Variants in TMEM150A observed in about 807,000 individuals in gnomAD.
The protein encoded by TMEM150A is fasting-inducible integral membrane protein TM6P1.
TMEM150A carries 18 observed loss-of-function variants against 29.8 expected under a neutral mutation model. That is an observed-to-expected ratio of 0.60 (90% confidence interval 0.42 to 0.90). The LOEUF (loss-of-function observed/expected upper bound fraction) is 0.90. Ranked by LOEUF, TMEM150A falls within the 40% of genes least tolerant of loss-of-function variation. The pLI is 0.00. For missense variants in TMEM150A, 251 were observed against 349.7 expected, an observed-to-expected ratio of 0.72 and a Z score of 2.25; for synonymous variants, 127 against 143.6, an observed-to-expected ratio of 0.88 and a Z score of 0.83.
Position 85,599,950 on chromosome 2 carries a change from T to A in TMEM150A, c.337A>T (p.Thr113Ser). 1 of 1,612,562 alleles carries A rather than the reference T, an allele frequency of 6.2e-7. No homozygotes were observed. Among genetic ancestry groups the A allele is most frequent in the Non-Finnish European group, 8.5e-7 (1 of 1,179,922 alleles). ...EQSRHSWVNT[T>S]ALITGCTNAA... ...TTGGTGCAGCCTGTGATGAGTGCCG[T>A]GGTGTTAACCCAAGAGTGCCGACTC... Residue 113 changes from threonine (T) to serine (S), a missense_variant, in exon 6 of 8, where the codon ACG (threonine) becomes TCG (serine). Coordinates refer to ENST00000334462, the MANE Select transcript of TMEM150A (RefSeq NM_001031738.3). This position sits in a 1 kb window ranked among gnomAD's most constrained non-coding sequence, Gnocchi z 6.0.
chr2:85,599,792 C>T lies in TMEM150A; in HGVS notation c.397-90G>A. On this transcript the variant is annotated intron_variant, in intron 6 of 7. Transcript: ENST00000334462. This position sits in a 1 kb window ranked among gnomAD's most constrained non-coding sequence, Gnocchi z 6.0. The stretch of plus-strand genomic sequence containing the variant: ...TGAATCTCCTCTCTCCCTCTTCCTT[C>T]CTCTCCCTCTTTCCAGCCCCAACCT... The T allele has an allele frequency of 1.2e-6, 2 of 1,600,768 alleles. No homozygotes were observed. Among genetic ancestry groups the T allele is most frequent in the Non-Finnish European group, 1.7e-6 (2 of 1,172,520 alleles).
rs7421876 is a variant in TMEM150A, at chr2:85,602,523, C to A, written c.-117+84G>T. ...CCCCGGCTGGGGCCGGACCCTGCGG[C>A]CGGCGACCCCCCAGGACCCGGGACG... On this transcript the variant is annotated intron_variant, in intron 1 of 7. Transcript: ENST00000334462. The surrounding 1 kb of genome is among the most constrained non-coding windows in gnomAD (Gnocchi z 5.6). The A allele has an allele frequency of 6.6e-6, 1 of 151,730 alleles. No individual in the cohort carries two copies. Among genetic ancestry groups the A allele is most frequent in the East Asian group, 1.9e-4 (1 of 5,142 alleles). 9.4% of individuals were successfully genotyped at this position (151,730 alleles called of 1,614,324 possible).
rs773453123 is a variant in TMEM150A, at chr2:85,601,064, C to A, written c.157G>T (p.Gly53Cys). 4.3e-6 allele frequency: 7 copies of A among 1,612,544 alleles called. No homozygotes were observed. The highest frequency in any genetic ancestry group is 5.9e-6 in the Non-Finnish European group (7 of 1,179,474). ...SCPPDPAEQG[G>C]PKTCCTLDDV... ...TCCAGGGTGCAGCAGGTCTTGGGACCCCCTTGCTCAGCAGGGTCAGGAGGG... is the reference window on the plus strand; with the variant it reads ...TCCAGGGTGCAGCAGGTCTTGGGACACCCTTGCTCAGCAGGGTCAGGAGGG... The change falls in exon 4 of 8, where the codon GGT (glycine) becomes TGT (cysteine). Residue 53 changes from glycine (G) to cysteine (C), a missense_variant. By Grantham distance (159) the Gly-to-Cys change is radical (BLOSUM62 -3). Transcript: ENST00000334462. The surrounding 1 kb of genome is among the most constrained non-coding windows in gnomAD (Gnocchi z 4.0).
Position 85,599,660 on chromosome 2 carries a change from C to A in TMEM150A, c.439G>T (p.Ala147Ser), listed in dbSNP as rs776023795. Residue 147 changes from alanine to serine, a missense_variant, in exon 7 of 8, where the codon GCC (alanine) becomes TCC (serine). By Grantham distance (99) the Ala-to-Ser change is moderately conservative. Coordinates refer to ENST00000334462, the MANE Select transcript of TMEM150A (RefSeq NM_001031738.3). The surrounding 1 kb of genome is among the most constrained non-coding windows in gnomAD (Gnocchi z 6.0). Reference protein sequence around the residue: ...RSLHYVGAGVAFPAGLLFVCL... With the variant: ...RSLHYVGAGVSFPAGLLFVCL... Reference sequence around the variant, plus strand: ...ACAAAGAGCAGCCCCGCAGGGAAGGCCACGCCAGCTCCAACGTAGTGCAGA... The same window carrying A: ...ACAAAGAGCAGCCCCGCAGGGAAGGACACGCCAGCTCCAACGTAGTGCAGA... The A allele has an allele frequency of 6.1e-5, 98 of 1,613,476 alleles. 1 individual carries two copies. Among genetic ancestry groups the A allele is most frequent in the Non-Finnish European group, 8.0e-5 (94 of 1,179,986 alleles).
Position 85,601,473 on chromosome 2 carries a change from C to T in TMEM150A, c.75G>A (p.Met25Ile), listed in dbSNP as rs546840803. The T allele has an allele frequency of 3.7e-6, 6 of 1,612,974 alleles. No homozygotes were observed. In the African/African-American group the frequency reaches 5.3e-5, roughly 14 times the overall value. ...GGCATACATGGTGGTTCATCACAGC[C>T]ATGGCATACCTGTGGGAACAGAACT... ...SITGIWTVYAMAVMNHHVCPV... is the reference protein window; with the variant it reads ...SITGIWTVYAIAVMNHHVCPV... Residue 25 changes from methionine (M) to isoleucine (I), a missense_variant, in exon 3 of 8, where the codon ATG becomes ATA. Met to Ile is a conservative substitution (Grantham distance 10, BLOSUM62 1). Transcript: ENST00000334462. The surrounding 1 kb of genome is among the most constrained non-coding windows in gnomAD (Gnocchi z 4.0).
Position 85,602,194 on chromosome 2 carries a change from G to A in TMEM150A, c.-116-130C>T, listed in dbSNP as rs1673010522. 2.1e-6 allele frequency: 1 copy of A among 481,492 alleles called. No homozygotes were observed. The highest frequency in any genetic ancestry group is 3.7e-5 in the East Asian group (1 of 27,136). 29.8% of individuals were successfully genotyped at this position (481,492 alleles called of 1,614,324 possible). A position where few individuals can be genotyped will look rare whatever the true frequency, so the allele number is the denominator to read the frequency against. On this transcript the variant is annotated intron_variant, in intron 1 of 7. Transcript: ENST00000334462. The surrounding 1 kb of genome is among the most constrained non-coding windows in gnomAD (Gnocchi z 5.6). ...CAAAGTTTGGGCTGAGCCCACGGCA[G>A]AACGTGAACACCCTCTGGCACTGGG...
chr2:85,600,398 T>C lies in TMEM150A; in HGVS notation c.215A>G (p.Tyr72Cys), dbSNP rs150730022. 4 of 1,613,574 alleles carry C rather than the reference T, an allele frequency of 2.5e-6. No homozygotes were observed. The highest frequency in any genetic ancestry group is 2.7e-5 in the African/African-American group (2 of 74,798). The change falls in exon 5 of 8, where the codon TAT becomes TGT. Residue 72 changes from tyrosine (Y) to cysteine (C), a missense_variant. By Grantham distance (194) the Tyr-to-Cys change is radical (BLOSUM62 -2). Coordinates refer to ENST00000334462, the MANE Select transcript of TMEM150A (RefSeq NM_001031738.3). ...GCTGAAGAGGCAGCTTTCTGGGGGATAGGAGCCACACTTGCTGCGAGGAGG... is the reference window on the plus strand; with the variant it reads ...GCTGAAGAGGCAGCTTTCTGGGGGACAGGAGCCACACTTGCTGCGAGGAGG... ...DVPLISKCGSYPPESCLFSLI... is the reference protein window; with the variant it reads ...DVPLISKCGSCPPESCLFSLI...
intron 5 of TMEM150A, 32 bp downstream of exon 5, chr2:85,600,313 C>T (rs375629865): frequency 3.1e-6 from 5 of 1,611,954 alleles, no homozygotes; most frequent in South Asian, 1.1e-5. Context: ...CTGGGCTGGG[C>T]ACGCAGGGTC....
chr2:85,599,406 G>C lies in TMEM150A; in HGVS notation c.575-89C>G. The C allele has an allele frequency of 1.9e-6, 3 of 1,582,470 alleles. No individual in the cohort carries two copies. The highest frequency in any genetic ancestry group is 2.6e-6 in the Non-Finnish European group (3 of 1,162,964). ...GTCTCAGGCCTCACCTCTCCAAAGG[G>C]AGAGGTGTTAGTCCTCTCCCCCACA... On this transcript the variant is annotated intron_variant, in intron 7 of 7. Transcript: ENST00000334462. The surrounding 1 kb of genome is among the most constrained non-coding windows in gnomAD (Gnocchi z 6.0).
rs1160134539 is a variant in TMEM150A, at chr2:85,601,366, C to T, written c.113+69G>A. 1 of 1,585,770 alleles carries T rather than the reference C, an allele frequency of 6.3e-7. No homozygotes were observed. The highest frequency in any genetic ancestry group is 8.7e-7 in the Non-Finnish European group (1 of 1,154,546). ...AGGGTTGCAGTCTGGCTCGTGGCAG[C>T]CTCAGGCCCAAGAGGGGACAGAGAT... On this transcript the variant is annotated intron_variant, in intron 3 of 7. Transcript: ENST00000334462. The surrounding 1 kb of genome is among the most constrained non-coding windows in gnomAD (Gnocchi z 4.0).
chr2:85,600,337 C>T lies in TMEM150A; in HGVS notation c.268+8G>A. On this transcript the variant is annotated splice_region_variant and intron_variant, in intron 5 of 7. Coordinates refer to ENST00000334462, the MANE Select transcript of TMEM150A (RefSeq NM_001031738.3). The stretch of plus-strand genomic sequence containing the variant: ...GCACGCAGGGTCAGGGCTAAGGGTA[C>T]AACTCACCCATGAAAGCACCCATGT... The T allele has an allele frequency of 6.2e-7, 1 of 1,613,948 alleles. No homozygotes were observed. The highest frequency in any genetic ancestry group is 8.5e-7 in the Non-Finnish European group (1 of 1,179,988).
intron 5 of TMEM150A, 131 bp downstream of exon 5, chr2:85,600,214 A>C: frequency 7.6e-7 from 1 of 1,312,518 alleles, no homozygotes; most frequent in East Asian, 2.4e-5. Context: ...TTGGCCTTCA[A>C]GGAAGGGGAG....
chr2:85,598,640 T>G lies in TMEM150A; in HGVS notation c.*436A>C. ...GCCCTAAAGGAAGTGAGGGGCAGAG[T>G]GAAGAATCCCAGTGCAGCTCAGTGG... On this transcript the variant is annotated 3_prime_UTR_variant, in exon 8 of 8. Transcript: ENST00000334462. 1 of 173,368 alleles carries G rather than the reference T, an allele frequency of 5.8e-6. No homozygotes were observed. The highest frequency in any genetic ancestry group is 1.3e-5 in the Non-Finnish European group (1 of 79,152). The allele number at this position is 173,368 out of a possible 1,614,324, so 10.7% of individuals were successfully genotyped here.
chr2:85,601,001 G>GC lies in TMEM150A; in HGVS notation c.200+19dup. The GC allele has an allele frequency of 1.2e-6, 2 of 1,609,484 alleles. No homozygotes were observed. Among genetic ancestry groups the GC allele is most frequent in the Non-Finnish European group, 1.7e-6 (2 of 1,178,006 alleles). On this transcript the variant is annotated intron_variant, in intron 4 of 7. Transcript: ENST00000334462. The surrounding 1 kb of genome is among the most constrained non-coding windows in gnomAD (Gnocchi z 4.0). ...GGAGGCCCTTAGATCTCCCTGACCG[G>GC]CCCAATGTCCAGGCCTTACCTGATG... is the stretch of plus-strand genomic sequence containing the variant.
intron 4 of TMEM150A, chr2:85,600,636 G>C: frequency 1.7e-6 from 1 of 579,782 alleles, no homozygotes; most frequent in Non-Finnish European, 3.1e-6. Flanking sequence ...GGAGTGTTCG[G>C]GCAACCCTGA....
chr2:85,599,420 C>T lies in TMEM150A; in HGVS notation c.575-103G>A. On this transcript the variant is annotated intron_variant, in intron 7 of 7. Coordinates refer to ENST00000334462, the MANE Select transcript of TMEM150A (RefSeq NM_001031738.3). This position sits in a 1 kb window ranked among gnomAD's most constrained non-coding sequence, Gnocchi z 6.0. ...CTCTCCAAAGGGAGAGGTGTTAGTC[C>T]TCTCCCCCACATGGCAGTGTTAGGC... is the stretch of plus-strand genomic sequence containing the variant. 1 of 1,571,430 alleles carries T rather than the reference C, an allele frequency of 6.4e-7. No homozygotes were observed. Among genetic ancestry groups the T allele is most frequent in the African/African-American group, 1.4e-5 (1 of 73,726 alleles).
intron 5 of TMEM150A, 67 bp downstream of exon 5, chr2:85,600,266 ACAGAAGGGCTTC>A: frequency 6.5e-7 from 1 of 1,548,194 alleles, no homozygotes; most frequent in Non-Finnish European, 8.9e-7. Flanking sequence ...GGAGGGCTGC[ACAGAAGGGCTTC>A]CTGGGCCTTT....
In TMEM150A at chr2:85,602,660, G is replaced by T; in HGVS notation, c.-170C>A. On this transcript the variant is annotated 5_prime_UTR_variant, in exon 1 of 8. Transcript: ENST00000334462. The surrounding 1 kb of genome is among the most constrained non-coding windows in gnomAD (Gnocchi z 5.6). ...CCCTGCTCGGCCCCCTCGTGGCGCC[G>T]ACTCTAGCTGCGGCCCTCGGAGCAG... is the stretch of plus-strand genomic sequence containing the variant. 6.5e-6 allele frequency: 1 copy of T among 152,680 alleles called. No homozygotes were observed. Among genetic ancestry groups the T allele is most frequent in the Non-Finnish European group, 1.5e-5 (1 of 68,378 alleles). 9.5% of individuals were successfully genotyped at this position (152,680 alleles called of 1,614,324 possible).
chr2:85,601,130 G>C lies in TMEM150A; in HGVS notation c.114-23C>G. ...GACCTGGCAGGCAGGACAGGGAGTAGACTGGGGGAAGGGACTGCCCCCAGG... is the reference window on the plus strand; with the variant it reads ...GACCTGGCAGGCAGGACAGGGAGTACACTGGGGGAAGGGACTGCCCCCAGG... On this transcript the variant is annotated intron_variant, in intron 3 of 7. Coordinates refer to ENST00000334462, the MANE Select transcript of TMEM150A (RefSeq NM_001031738.3). This position sits in a 1 kb window ranked among gnomAD's most constrained non-coding sequence, Gnocchi z 4.0. 1 of 1,610,370 alleles carries C rather than the reference G, an allele frequency of 6.2e-7. No individual in the cohort carries two copies. Among genetic ancestry groups the C allele is most frequent in the Non-Finnish European group, 8.5e-7 (1 of 1,178,420 alleles).
Sources: allele counts gnomAD v4.1 joint callset, GRCh38; gene constraint gnomAD v4.1.1; non-coding constraint Gnocchi (gnomAD v3.1); transcripts MANE v1.5; gene names NCBI Gene and HGNC (gene_info 2026-07-23, HGNC 2026-07-21).